PKD2: variants seen among roughly 807,000 people sequenced by gnomAD.
The protein encoded by PKD2 is polycystin-2.
Under a neutral mutation model 105.9 loss-of-function variants are expected in PKD2, and 48 were observed. The observed-to-expected ratio is 0.45, with a 90% CI of 0.36 to 0.58. The LOEUF (loss-of-function observed/expected upper bound fraction) is 0.58. Ranked by LOEUF, PKD2 falls within the 20% of genes least tolerant of loss-of-function variation. The pLI is 0.00. For synonymous variants in PKD2, 464 were observed against 481.1 expected (o/e 0.96, Z 0.46); for missense variants, 1,078 against 1,255.3 (o/e 0.86, Z 2.13).
intron 2 of PKD2, among the ~76,000 whole-genome samples, chr4:88,021,306 C>T (rs755639363): frequency 3.3e-5 from 5 of 152,058 alleles, no homozygotes; most frequent in South Asian, 4.1e-4. Flanking sequence ...CCTAGAGAAA[C>T]GAGTTTTCAG....
intron 1 of PKD2, among the ~76,000 whole-genome samples, chr4:88,018,302 T>A (rs1203972922): frequency 6.6e-6 from 1 of 152,218 alleles, no homozygotes; most frequent in African/African-American, 2.4e-5. Flanking sequence ...ACTTACATAT[T>A]ATTATAAGAC....
intron 9 of PKD2, 145 bp downstream of exon 9, chr4:88,058,248 C>A: frequency 1.6e-6 from 1 of 639,572 alleles, no homozygotes; most frequent in South Asian, 1.9e-5. Flanking sequence ...AACTTATTTT[C>A]CTTTTATTAA....
chr4:88,036,036 GC>G, intron 2 of PKD2, 183 bp from the exon 3 acceptor site: 1 of 848,172 alleles, frequency 1.2e-6, no homozygotes, highest in Admixed American at 2.1e-5. Context: ...TCTTTTATAA[GC>G]CAGAGATATA....
intron 2 of PKD2, among the ~76,000 whole-genome samples, chr4:88,021,691 A>G (rs1026226219): frequency 3.9e-5 from 6 of 152,204 alleles, no homozygotes; most frequent in African/African-American, 1.4e-4. Flanking sequence ...TTCTACAGCT[A>G]TGTTAGAAAG....
intron 6 of PKD2, among the ~76,000 whole-genome samples, chr4:88,048,182 A>G (rs975961077): frequency 2.6e-5 from 4 of 152,174 alleles, no homozygotes; most frequent in African/African-American, 7.2e-5. Context: ...CCACTGTCCT[A>G]TGATAGCCAT....
chr4:88,012,598 A>G (rs796085925), intron 1 of PKD2, among the ~76,000 whole-genome samples: 40 of 152,332 alleles, frequency 2.6e-4, no homozygotes, highest in African/African-American at 8.7e-4. Flanking sequence ...AACCATTTTA[A>G]GTATATAATT....
chr4:88,063,699 A>G (rs1381795399), intron 10 of PKD2, among the ~76,000 whole-genome samples: 3 of 152,084 alleles, frequency 2.0e-5, no homozygotes, highest in Admixed American at 6.6e-5. Flanking sequence ...CAAGAGATCC[A>G]GATATGGAGC....
In PKD2 at chr4:88,046,450, C is replaced by A. The variant is rs191845790; in HGVS notation, c.1320-192C>A. 1.6e-3 allele frequency among the ~76,000 whole-genome samples: 246 copies of A among 152,224 alleles called. 1 individual carries two copies. Among genetic ancestry groups the A allele is most frequent in the African/African-American group, 5.6e-3 (233 of 41,540 alleles). ...TGAAAGACCTCAGGAAGTCTTATTC[C>A]TTTGATGGCACAAAATTCTCCAAGT... is the stretch of plus-strand genomic sequence containing the variant. On this transcript the variant is annotated intron_variant, in intron 5 of 14. Coordinates refer to ENST00000237596, the MANE Select transcript of PKD2 (RefSeq NM_000297.4).
chr4:88,060,515 A>G (rs1720532363), intron 9 of PKD2, among the ~76,000 whole-genome samples: 1 of 151,810 alleles, frequency 6.6e-6, no homozygotes, highest in Non-Finnish European at 1.5e-5. Context: ...ACTATGAGGT[A>G]GTATGTTAGA....
chr4:88,042,682 G>C (rs746291962), intron 4 of PKD2, among the ~76,000 whole-genome samples: 7 of 152,058 alleles, frequency 4.6e-5, no homozygotes, highest in Non-Finnish European at 7.4e-5. Flanking sequence ...TATTTTACTT[G>C]TTTAATTATA....
At chr4:88,014,289 T>C (rs1726487457) in intron 1 of PKD2, among the ~76,000 whole-genome samples, 1 of 152,146 alleles carries the variant, frequency 6.6e-6, no homozygotes, top group South Asian at 2.1e-4. Flanking sequence ...GTCTAGAGAA[T>C]ATGCAGGTAG....
intron 10 of PKD2, among the ~76,000 whole-genome samples, chr4:88,063,861 A>T (rs912019101): frequency 1.3e-5 from 2 of 150,092 alleles, no homozygotes. Context: ...AGTACAAAAG[A>T]AAAAATGTTG....
At chr4:88,039,231 G>T (rs1046041029) in intron 4 of PKD2, among the ~76,000 whole-genome samples, 1 of 152,082 alleles carries the variant, frequency 6.6e-6, no homozygotes, top group Non-Finnish European at 1.5e-5. Context: ...GTTCATCTAG[G>T]TTCTTTTCTT....
chr4:88,069,722 G>T (rs1462879890), intron 13 of PKD2, among the ~76,000 whole-genome samples: 3 of 152,066 alleles, frequency 2.0e-5, no homozygotes, highest in Admixed American at 1.3e-4. Flanking sequence ...AGAAGAGGAA[G>T]TATATATTTA....
At chr4:88,045,881 C>T (rs1308949069) in intron 5 of PKD2, among the ~76,000 whole-genome samples, 2 of 152,164 alleles carry the variant, frequency 1.3e-5, no homozygotes, top group African/African-American at 4.8e-5. Flanking sequence ...CAGTTCCTAT[C>T]TTTATATATG....
Position 88,046,737 on chromosome 4 carries a change from T to C in PKD2, c.1415T>C (p.Phe472Ser), listed in dbSNP as rs759983737. Residue 472 changes from phenylalanine to serine, a missense_variant, in exon 6 of 15, where the codon TTC becomes TCC. Phe to Ser is a radical substitution (Grantham distance 155). Around this residue, in one of 2 missense-constraint regions of PKD2, gnomAD observed 868 missense variants for 1,067.3 expected, o/e 0.81. Transcript: ENST00000237596. ...LIRYVTTFDF[F>S]LAACEIIFCF... Reference sequence around the variant, plus strand: ...CGATATGTCACAACTTTTGATTTCTTCCTGGCAGCCTGTGAGATTATCTTT... The same window carrying C: ...CGATATGTCACAACTTTTGATTTCTCCCTGGCAGCCTGTGAGATTATCTTT... 1 of 1,613,504 alleles carries C rather than the reference T, an allele frequency of 6.2e-7. No individual in the cohort carries two copies. The highest frequency in any genetic ancestry group is 8.5e-7 in the Non-Finnish European group (1 of 1,179,410).
chr4:88,053,528 G>C (rs149373204), intron 7 of PKD2, among the ~76,000 whole-genome samples: 74 of 151,994 alleles, frequency 4.9e-4, no homozygotes, highest in African/African-American at 1.7e-3. Context: ...GTGGTGGCAC[G>C]TGCCTGTAGT....
At chr4:88,014,715 G>C (rs553149536) in intron 1 of PKD2, among the ~76,000 whole-genome samples, 1 of 152,302 alleles carries the variant, frequency 6.6e-6, no homozygotes, top group South Asian at 2.1e-4. Context: ...CTGAGAATTT[G>C]GTCAGGCTAT....
At chr4:88,058,130 G>A in intron 9 of PKD2, 27 bp downstream of exon 9, 1 of 1,362,252 alleles carries the variant, frequency 7.3e-7, no homozygotes, top group Non-Finnish European at 1.0e-6. Context: ...TTATAGTGAG[G>A]TTCAATTTAA....
Sources: allele counts gnomAD v4.1 joint callset (sites outside exome capture counted in the v4.1 genomes callset), GRCh38; gene constraint gnomAD v4.1.1; regional missense constraint gnomAD v4.1.1; transcripts MANE v1.5; gene names NCBI Gene and HGNC (gene_info 2026-07-23, HGNC 2026-07-21).